Variants in HMBOX1 observed in about 807,000 individuals in gnomAD.
HMBOX1 encodes the protein homeobox containing 1, also known as homeobox-containing protein 1.
Under a neutral mutation model 54.5 loss-of-function variants are expected in HMBOX1, and 14 were observed. That is an observed-to-expected ratio of 0.26 (90% confidence interval 0.17 to 0.40). The LOEUF (loss-of-function observed/expected upper bound fraction) is 0.40. HMBOX1 is among the 10% of genes least tolerant of loss of function. The pLI is 1.00. For missense variants in HMBOX1, 332 were observed against 514.4 expected, an observed-to-expected ratio of 0.65 and a Z score of 3.43; for synonymous variants, 160 against 181.0, an observed-to-expected ratio of 0.88 and a Z score of 0.93.
At chr8:28,890,146 TC>T (rs1810583514), upstream of HMBOX1, 2 of 518,386 alleles carry the variant, frequency 3.9e-6, no homozygotes, top group Non-Finnish European at 7.0e-6. Flanking sequence ...CAATGCATCC[TC>T]CCTCTCCACC....
chr8:29,047,809 C>T (rs1308909482), intron 8 of HMBOX1, among the ~76,000 whole-genome samples: 5 of 151,980 alleles, frequency 3.3e-5, no homozygotes, highest in African/African-American at 9.7e-5. Flanking sequence ...TCAGGTGATC[C>T]GTCCGCCTCG....
intron 3 of HMBOX1, among the ~76,000 whole-genome samples, chr8:28,972,199 A>G (rs1827548236): frequency 6.6e-6 from 1 of 152,172 alleles, no homozygotes; most frequent in Admixed American, 6.6e-5. Context: ...AGTTACAGTT[A>G]CAAGTCATTG....
At chr8:28,981,685 G>A (rs564789171) in intron 4 of HMBOX1, among the ~76,000 whole-genome samples, 7 of 151,656 alleles carry the variant, frequency 4.6e-5, no homozygotes, top group Admixed American at 2.6e-4. Context: ...GAATCATTTA[G>A]GACTTTTAAA....
rs369510970 is a variant in HMBOX1, at chr8:28,936,300, T to C, written c.-57-27511T>C. On this transcript the variant is annotated intron_variant, in intron 1 of 9. Coordinates refer to ENST00000287701, the MANE Select transcript of HMBOX1 (RefSeq NM_001135726.3). ...AGAAGAACTGCTCACACTGTTACACTCTGTAGTTTTATGCCAGACCAGTCC... is the reference window on the plus strand; with the variant it reads ...AGAAGAACTGCTCACACTGTTACACCCTGTAGTTTTATGCCAGACCAGTCC... Among the ~76,000 whole-genome samples, 5 of 152,112 alleles carry C rather than the reference T, an allele frequency of 3.3e-5. No individual in the cohort carries two copies. The East Asian group carries it at 5.8e-4, about 18-fold the overall frequency.
chr8:28,903,146 C>G (rs1585664653), intron 1 of HMBOX1, among the ~76,000 whole-genome samples: 1 of 152,130 alleles, frequency 6.6e-6, no homozygotes, highest in African/African-American at 2.4e-5. Context: ...TTCTTTTACA[C>G]ACACACACAT....
At chr8:28,978,765 C>G (rs1586235670) in intron 3 of HMBOX1, among the ~76,000 whole-genome samples, 1 of 104,310 alleles carries the variant, frequency 9.6e-6, no homozygotes, top group Non-Finnish European at 1.7e-5. Context: ...CCAGCCCGAG[C>G]AACAGAGTGA....
intron 1 of HMBOX1, among the ~76,000 whole-genome samples, chr8:28,953,753 T>C (rs1226060860): frequency 1.3e-5 from 2 of 152,188 alleles, no homozygotes; most frequent in Admixed American, 6.5e-5. Context: ...GGAGGAGATA[T>C]AAGATTGGCC....
At chr8:29,020,894 A>G (rs1372215216) in intron 6 of HMBOX1, among the ~76,000 whole-genome samples, 1 of 152,218 alleles carries the variant, frequency 6.6e-6, no homozygotes, top group Non-Finnish European at 1.5e-5. Context: ...GATAAAAGTA[A>G]GGCTGGACAT....
chr8:29,045,242 C>A, intron 6 of HMBOX1, 119 bp from the exon 7 acceptor site: 1 of 769,602 alleles, frequency 1.3e-6, no homozygotes, highest in Non-Finnish European at 2.3e-6. Context: ...CATTTGACAG[C>A]CTGGACCTAG....
chr8:28,897,301 G>A (rs993700216), intron 1 of HMBOX1, among the ~76,000 whole-genome samples: 4 of 150,912 alleles, frequency 2.7e-5, no homozygotes, highest in African/African-American at 9.7e-5. Context: ...TTTTAAATGA[G>A]GAATTATAAT....
intron 1 of HMBOX1, among the ~76,000 whole-genome samples, chr8:28,922,369 G>T (rs1402084242): frequency 6.6e-6 from 1 of 152,180 alleles, no homozygotes; most frequent in East Asian, 1.9e-4. Context: ...GTGGGACGGA[G>T]GGTGGTCCTG....
chr8:29,012,536 G>C (rs1002907281), intron 5 of HMBOX1, among the ~76,000 whole-genome samples: 3 of 152,154 alleles, frequency 2.0e-5, no homozygotes, highest in Non-Finnish European at 4.4e-5. Flanking sequence ...TTATGTAGGG[G>C]AACACACACA....
At chr8:29,033,717 C>T (rs1803386821) in intron 6 of HMBOX1, among the ~76,000 whole-genome samples, 1 of 152,064 alleles carries the variant, frequency 6.6e-6, no homozygotes, top group South Asian at 2.1e-4. Context: ...AGTCCCCAAG[C>T]CAATTAAACA....
chr8:28,938,429 C>G (rs1183533742), intron 1 of HMBOX1, among the ~76,000 whole-genome samples: 1 of 151,818 alleles, frequency 6.6e-6, no homozygotes, highest in Non-Finnish European at 1.5e-5. Context: ...CAAGGGGTAT[C>G]TTTTTTTTGT....
intron 6 of HMBOX1, among the ~76,000 whole-genome samples, chr8:29,021,219 C>A (rs1726708836): frequency 6.6e-6 from 1 of 152,006 alleles, no homozygotes. Flanking sequence ...TTATTCCATT[C>A]TTCATACATC....
At chr8:28,999,793 T>C (rs1832374849) in intron 4 of HMBOX1, among the ~76,000 whole-genome samples, 1 of 152,178 alleles carries the variant, frequency 6.6e-6, no homozygotes, top group Admixed American at 6.5e-5. Flanking sequence ...TTCTCATACT[T>C]TCCTTAGTTC....
chr8:28,971,086 C>CT lies in HMBOX1; in HGVS notation c.500+589dup, dbSNP rs146543031. Among the ~76,000 whole-genome samples, 20 of 83,188 alleles carry CT rather than the reference C, an allele frequency of 2.4e-4. 2 individuals carry two copies. The South Asian group carries it at 3.7e-3, about 15-fold the overall frequency. The allele number at this position is 83,188 out of a possible 152,430, so 54.6% of individuals were successfully genotyped here. On this transcript the variant is annotated intron_variant, in intron 3 of 9. Transcript: ENST00000287701. ...TTTAAACACTGAGAAAAGAAATCTACTTTTTTTTTTTTTTTTTTTTTTGAG... is the reference window on the plus strand; with the variant it reads ...TTTAAACACTGAGAAAAGAAATCTACTTTTTTTTTTTTTTTTTTTTTTTGAG...
intron 1 of HMBOX1, among the ~76,000 whole-genome samples, chr8:28,933,421 A>G (rs997215036): frequency 4.6e-5 from 7 of 152,218 alleles, no homozygotes; most frequent in Admixed American, 6.5e-5. Context: ...AAATGAGCAA[A>G]TTAAACCCAA....
chr8:28,964,407 A>C (rs1194836593), intron 2 of HMBOX1, among the ~76,000 whole-genome samples: 3 of 152,206 alleles, frequency 2.0e-5, no homozygotes, highest in African/African-American at 7.2e-5. Flanking sequence ...CAGAAAATAC[A>C]AATTGAGATA....
Sources: gnomAD v4.1 joint callset for allele counts (sites outside exome capture counted in the v4.1 genomes callset) on GRCh38, gnomAD v4.1.1 for gene constraint, MANE v1.5 for transcripts, NCBI Gene and HGNC (gene_info 2026-07-23, HGNC 2026-07-21) for gene names.